Variants in CFAP299 observed in about 807,000 individuals in gnomAD.
CFAP299 encodes cilia- and flagella-associated protein 299.
CFAP299 carries 21 observed loss-of-function variants against 27.0 expected under a neutral mutation model. The ratio of observed to expected loss-of-function variants is 0.78; its 90% CI spans 0.55 to 1.12. CFAP299 has a LOEUF of 1.12. CFAP299 is among the 50% of genes most tolerant of loss of function. The pLI, the probability that CFAP299 is intolerant of heterozygous loss-of-function variation, is 0.00. For missense variants in CFAP299, 310 were observed against 276.6 expected (o/e 1.12, Z -0.86); for synonymous variants, 104 against 98.1 (o/e 1.06, Z -0.36).
At chr4:80,628,299 G>T (rs1379983942) in intron 3 of CFAP299, among the ~76,000 whole-genome samples, 1 of 152,006 alleles carries the variant, frequency 6.6e-6, no homozygotes, top group East Asian at 1.9e-4. Flanking sequence ...AATAAAATTA[G>T]AATCTTATCT....
chr4:80,815,315 T>G (rs187453681), intron 3 of CFAP299, among the ~76,000 whole-genome samples: 1 of 151,994 alleles, frequency 6.6e-6, no homozygotes, highest in East Asian at 1.9e-4. Context: ...ATATATATAT[T>G]CAGCTTATAT....
At chr4:80,591,186 G>T (rs1481451092) in intron 3 of CFAP299, among the ~76,000 whole-genome samples, 1 of 144,640 alleles carries the variant, frequency 6.9e-6, no homozygotes, top group Non-Finnish European at 1.5e-5. Flanking sequence ...TGCAGTGGCG[G>T]GATCTAGGCT....
At chr4:80,754,555 C>CTT (rs5859735) in intron 3 of CFAP299, among the ~76,000 whole-genome samples, 55 of 147,484 alleles carry the variant, frequency 3.7e-4, no homozygotes, top group East Asian at 3.4e-3. Context: ...ATGGATCTGG[C>CTT]TTTTTTTTTT....
At chr4:80,569,001 T>C (rs1735448556) in intron 2 of CFAP299, among the ~76,000 whole-genome samples, 1 of 152,142 alleles carries the variant, frequency 6.6e-6, no homozygotes, top group South Asian at 2.1e-4. Flanking sequence ...CCATGTTCTC[T>C]ACACATGACC....
chr4:80,473,009 T>C (rs995126083), intron 2 of CFAP299, among the ~76,000 whole-genome samples: 1 of 152,106 alleles, frequency 6.6e-6, no homozygotes, highest in African/African-American at 2.4e-5. Flanking sequence ...AGTAGGGGCT[T>C]TGTGACAGAA....
chr4:80,462,424 A>G (rs934829199), intron 2 of CFAP299, among the ~76,000 whole-genome samples: 15 of 152,132 alleles, frequency 9.9e-5, no homozygotes, highest in African/African-American at 3.6e-4. Context: ...TGTTCTTGCT[A>G]ACGTCAACAA....
chr4:80,634,456 A>G (rs1739389066), intron 3 of CFAP299, among the ~76,000 whole-genome samples: 3 of 135,948 alleles, frequency 2.2e-5, no homozygotes, highest in Non-Finnish European at 4.7e-5. Context: ...TCAGAGTGTC[A>G]TTTCATCATA....
intron 2 of CFAP299, among the ~76,000 whole-genome samples, chr4:80,460,273 G>T (rs1310734526): frequency 6.6e-6 from 1 of 152,042 alleles, no homozygotes. Flanking sequence ...AGGGGGAGCC[G>T]GTGTGCCAGG....
intron 3 of CFAP299, among the ~76,000 whole-genome samples, chr4:80,817,854 A>G (rs1315622287): frequency 6.8e-6 from 1 of 147,404 alleles, no homozygotes; most frequent in Non-Finnish European, 1.5e-5. Context: ...CTTTTATTTT[A>G]AGTTCAGAGG....
intron 2 of CFAP299, among the ~76,000 whole-genome samples, chr4:80,479,943 A>G (rs1224485200): frequency 6.6e-6 from 1 of 151,982 alleles, no homozygotes; most frequent in Non-Finnish European, 1.5e-5. Context: ...GCTAAAACAT[A>G]TGTTCTGATT....
intron 2 of CFAP299, among the ~76,000 whole-genome samples, chr4:80,556,510 T>G (rs1487013055): frequency 6.6e-6 from 1 of 152,012 alleles, no homozygotes; most frequent in African/African-American, 2.4e-5. Context: ...TCTATAAATA[T>G]AACCGAAAGG....
In CFAP299 at chr4:80,799,289, A is replaced by T. The variant is rs1381757775; in HGVS notation, c.334-70704A>T. On this transcript the variant is annotated intron_variant, in intron 3 of 5. Coordinates refer to ENST00000358105, the MANE Select transcript of CFAP299 (RefSeq NM_152770.3). ...TATAATATTTATATATATATTGTAT[A>T]AATATATTTATATAATATTTATATA... 1.3e-4 allele frequency among the ~76,000 whole-genome samples: 14 copies of T among 108,802 alleles called. No individual in the cohort carries two copies. The East Asian group carries it at 2.6e-3, about 20-fold the overall frequency. 71.4% of individuals were successfully genotyped at this position (108,802 alleles called of 152,430 possible). A position where few individuals can be genotyped will look rare whatever the true frequency, so the allele number is the denominator to read the frequency against.
At chr4:80,639,321 C>T (rs184779920) in intron 3 of CFAP299, among the ~76,000 whole-genome samples, 12 of 152,198 alleles carry the variant, frequency 7.9e-5, no homozygotes, top group South Asian at 2.1e-4. Flanking sequence ...CTGCAGTGTC[C>T]GCTCTTCACC....
the CFAP299 span, among the ~76,000 whole-genome samples, chr4:80,328,929 T>C: frequency 7.2e-5 from 11 of 152,164 alleles, no homozygotes; most frequent in Non-Finnish European, 1.2e-4. Context: ...TTCTATGGTA[T>C]AGAATCAACT....
intron 3 of CFAP299, among the ~76,000 whole-genome samples, chr4:80,678,974 A>G (rs1227267865): frequency 3.3e-5 from 5 of 151,964 alleles, no homozygotes; most frequent in African/African-American, 1.2e-4. Flanking sequence ...CTGTGTTTGT[A>G]TGAATTTTCT....
At chr4:80,620,998 C>CCTAAA (rs1337396990) in intron 3 of CFAP299, among the ~76,000 whole-genome samples, 4 of 152,020 alleles carry the variant, frequency 2.6e-5, no homozygotes, top group African/African-American at 9.7e-5. Flanking sequence ...TCCGCACTTA[C>CCTAAA]CTAACAGCCT....
At chr4:80,892,169 A>C (rs1734340659) in intron 4 of CFAP299, among the ~76,000 whole-genome samples, 2 of 152,180 alleles carry the variant, frequency 1.3e-5, no homozygotes, top group Admixed American at 6.5e-5. Context: ...CATATAGACC[A>C]GTGAGACAGA....
At position 80,394,512 on chromosome 4, in the gene CFAP299, G is replaced by A. The variant is rs150507840; in HGVS notation, c.242+31628G>A. Among the ~76,000 whole-genome samples, 337 of 151,726 alleles carry A rather than the reference G, an allele frequency of 2.2e-3. 4 individuals carry two copies. The highest frequency in any genetic ancestry group is 7.9e-3 in the African/African-American group (327 of 41,350). ...AATTTATTGCTTCCTCCAATATCAA[G>A]AAGCTTTTTACCTATGTTTTTCTCT... is the stretch of plus-strand genomic sequence containing the variant. On this transcript the variant is annotated intron_variant, in intron 2 of 5. Transcript: ENST00000358105.
intron 3 of CFAP299, among the ~76,000 whole-genome samples, chr4:80,771,080 C>G (rs566333995): frequency 2.6e-5 from 4 of 151,968 alleles, no homozygotes; most frequent in Non-Finnish European, 5.9e-5. Context: ...GAGGGTTATC[C>G]TAGGCATGCG....
Sources: gnomAD v4.1 joint callset for allele counts (sites outside exome capture counted in the v4.1 genomes callset) on GRCh38, gnomAD v4.1.1 for gene constraint, MANE v1.5 for transcripts, NCBI Gene and HGNC (gene_info 2026-07-23, HGNC 2026-07-21) for gene names.